The following GCNT1 variants were observed in gnomAD, a reference collection of about 807,000 sequenced individuals.
GCNT1 encodes the protein beta-1,3-galactosyl-O-glycosyl-glycoprotein beta-1,6-N-acetylglucosaminyltransferase.
In GCNT1, 16 loss-of-function variants were observed where a neutral mutation model predicts 26.2. That is an observed-to-expected ratio of 0.61 (90% CI 0.41 to 0.93). The LOEUF is 0.93. GCNT1 is among the 40% of genes least tolerant of loss of function. The pLI is 0.00. For missense variants in GCNT1, 477 were observed against 526.7 expected (o/e 0.91, Z 0.92); for synonymous variants, 183 against 190.8 (o/e 0.96, Z 0.34).
At chr9:76,453,087 T>C (rs1031867662) in intron 1 of GCNT1, among the ~76,000 whole-genome samples, 4 of 152,188 alleles carry the variant, frequency 2.6e-5, no homozygotes, top group African/African-American at 9.7e-5. Flanking sequence ...CCTTAGGCTG[T>C]GAGTATGTAA....
upstream of GCNT1, among the ~76,000 whole-genome samples, chr9:76,441,496 A>C (rs1469097679): frequency 6.6e-6 from 1 of 152,176 alleles, no homozygotes; most frequent in Non-Finnish European, 1.5e-5. Context: ...GTGGGTAGCA[A>C]TGGTGAGAAC....
chr9:76,492,369 A>G (rs1824766635), intron 2 of GCNT1, among the ~76,000 whole-genome samples: 3 of 152,102 alleles, frequency 2.0e-5, no homozygotes, highest in African/African-American at 7.2e-5. Flanking sequence ...AAAGTCTCCC[A>G]ATTACAACTG....
At chr9:76,471,516 G>A (rs1824131294) in intron 2 of GCNT1, among the ~76,000 whole-genome samples, 1 of 152,170 alleles carries the variant, frequency 6.6e-6, no homozygotes, top group African/African-American at 2.4e-5. Context: ...CTATGCAGAA[G>A]TGTTTTTCAA....
chr9:76,484,842 G>A (rs1251827924), intron 2 of GCNT1, among the ~76,000 whole-genome samples: 2 of 147,804 alleles, frequency 1.4e-5, no homozygotes, highest in Admixed American at 6.8e-5. Flanking sequence ...AGGCTGGAGT[G>A]CAGTGGCACC....
At chr9:76,398,691 C>T in the GCNT1 span, 9 of 1,229,358 alleles carry the variant, frequency 7.3e-6, no homozygotes, top group African/African-American at 4.5e-5. Context: ...TAAAGGGAAA[C>T]TTTCACAATG....
chr9:76,483,439 G>A (rs556599077), intron 2 of GCNT1, among the ~76,000 whole-genome samples: 1 of 151,840 alleles, frequency 6.6e-6, no homozygotes, highest in Admixed American at 6.6e-5. Context: ...AATAGAGACA[G>A]GGTCTTTCTC....
At chr9:76,483,138 A>C (rs904011350) in intron 2 of GCNT1, among the ~76,000 whole-genome samples, 2 of 152,260 alleles carry the variant, frequency 1.3e-5, no homozygotes, top group Admixed American at 1.3e-4. Flanking sequence ...AATGTGTTTA[A>C]GGGAAAGACA....
At chr9:76,489,308 T>C (rs1192350873) in intron 2 of GCNT1, among the ~76,000 whole-genome samples, 1 of 152,178 alleles carries the variant, frequency 6.6e-6, no homozygotes, top group East Asian at 1.9e-4. Flanking sequence ...GTTGGTTCCT[T>C]CTGGAGGGTT....
chr9:76,410,258 C>T, the GCNT1 span, among the ~76,000 whole-genome samples: 1 of 151,962 alleles, frequency 6.6e-6, no homozygotes, highest in Non-Finnish European at 1.5e-5. Flanking sequence ...ATGATGAAAC[C>T]CCATCTCTAC....
At chr9:76,421,726 C>CT (rs1823199970) in intron 1 of GCNT1, among the ~76,000 whole-genome samples, 1 of 99,412 alleles carries the variant, frequency 1.0e-5, no homozygotes, top group Non-Finnish European at 1.8e-5. Context: ...AATGGTCTCA[C>CT]TTTGTCATCC....
At chr9:76,416,387 C>T (rs1823132895), upstream of GCNT1, among the ~76,000 whole-genome samples, 1 of 152,186 alleles carries the variant, frequency 6.6e-6, no homozygotes, top group Non-Finnish European at 1.5e-5. Context: ...AGACAAGGAC[C>T]AGGATACCAA....
upstream of GCNT1, among the ~76,000 whole-genome samples, chr9:76,440,432 A>G (rs985275170): frequency 6.6e-6 from 1 of 152,212 alleles, no homozygotes; most frequent in African/African-American, 2.4e-5. Context: ...TCCCTGATTT[A>G]TATTTGCTCC....
intron 2 of GCNT1, among the ~76,000 whole-genome samples, chr9:76,470,370 G>A (rs1001879743): frequency 2.0e-5 from 3 of 152,072 alleles, no homozygotes; most frequent in Non-Finnish European, 4.4e-5. Context: ...TTGGGAGGTC[G>A]AGGCAGGCAG....
At chr9:76,410,402 A>T in the GCNT1 span, among the ~76,000 whole-genome samples, 1 of 152,282 alleles carries the variant, frequency 6.6e-6, no homozygotes, top group South Asian at 2.1e-4. Context: ...ATTACATTCC[A>T]GTCTGGGTGA....
At chr9:76,441,236 C>T (rs963573669), upstream of GCNT1, among the ~76,000 whole-genome samples, 3 of 152,060 alleles carry the variant, frequency 2.0e-5, no homozygotes, top group South Asian at 6.2e-4. Context: ...ACATCCGCCT[C>T]CCGGCCTCAA....
chr9:76,405,895 T>G, the GCNT1 span, among the ~76,000 whole-genome samples: 3 of 152,230 alleles, frequency 2.0e-5, no homozygotes, highest in African/African-American at 7.2e-5. Flanking sequence ...TCAATTAATT[T>G]GGGTAAATAC....
At chr9:76,458,326 G>C (rs1366655912), upstream of GCNT1, among the ~76,000 whole-genome samples, 1 of 151,808 alleles carries the variant, frequency 6.6e-6, no homozygotes, top group African/African-American at 2.4e-5. Flanking sequence ...GGGACTACAG[G>C]CGCCCGCCAC....
intron 2 of GCNT1, among the ~76,000 whole-genome samples, chr9:76,471,857 CT>C (rs1824139252): frequency 6.6e-6 from 1 of 151,552 alleles, no homozygotes; most frequent in African/African-American, 2.4e-5. Flanking sequence ...ATTTTTTTTT[CT>C]TTTGAGACCA....
At chr9:76,483,530 T>G (rs920300878) in intron 2 of GCNT1, among the ~76,000 whole-genome samples, 2 of 152,050 alleles carry the variant, frequency 1.3e-5, no homozygotes, top group African/African-American at 4.8e-5. Flanking sequence ...TCCTCCCATC[T>G]CAGCCTTCTG....
Sources: allele counts gnomAD v4.1 joint callset (sites outside exome capture counted in the v4.1 genomes callset), GRCh38; gene constraint gnomAD v4.1.1; transcripts MANE v1.5; gene names NCBI Gene and HGNC (gene_info 2026-07-23, HGNC 2026-07-21).